The following RLN2 variants were observed in gnomAD, a reference collection of about 807,000 sequenced individuals.
RLN2 encodes prorelaxin H2.
A neutral mutation model predicts 7.3 loss-of-function variants in RLN2; 10 were observed. The ratio of observed to expected loss-of-function variants is 1.36; its 90% CI spans 0.84 to 2.31. The LOEUF (loss-of-function observed/expected upper bound fraction) is 2.31, where lower values mean the gene tolerates loss of function less well. Among genes scored for constraint, RLN2 ranks in the 30% most tolerant of loss-of-function variants. The pLI is 0.00. For missense variants in RLN2, 298 were observed against 217.6 expected, an observed-to-expected ratio of 1.37 and a Z score of -2.32; for synonymous variants, 103 against 82.3, an observed-to-expected ratio of 1.25 and a Z score of -1.36.
At chr9:5,300,778 T>C (rs933372672) in intron 1 of RLN2, among the ~76,000 whole-genome samples, 1 of 152,218 alleles carries the variant, frequency 6.6e-6, no homozygotes, top group African/African-American at 2.4e-5. Context: ...TGAAAACAGT[T>C]TGACCACAGC....
At chr9:5,315,988 A>C in the RLN2 span, among the ~76,000 whole-genome samples, 1 of 152,066 alleles carries the variant, frequency 6.6e-6, no homozygotes, top group Non-Finnish European at 1.5e-5. Flanking sequence ...ACTAGTTACT[A>C]ATATGAAGAT....
At chr9:5,318,623 G>T in the RLN2 span, among the ~76,000 whole-genome samples, 1 of 151,896 alleles carries the variant, frequency 6.6e-6, no homozygotes. Context: ...CAGAACAAGA[G>T]AATTAACAAT....
the RLN2 span, among the ~76,000 whole-genome samples, chr9:5,332,478 T>C: frequency 6.6e-6 from 1 of 152,014 alleles, no homozygotes; most frequent in East Asian, 1.9e-4. Flanking sequence ...GTTTATTTTG[T>C]TGAATTTACA....
chr9:5,311,463 G>T, the RLN2 span: 1 of 632,620 alleles, frequency 1.6e-6, no homozygotes. Context: ...GAGAAAGGCT[G>T]AAGGGGATGT....
the RLN2 span, among the ~76,000 whole-genome samples, chr9:5,331,169 A>G: frequency 6.6e-6 from 1 of 152,058 alleles, no homozygotes; most frequent in East Asian, 1.9e-4. Context: ...TACCAGAGGT[A>G]TAAAAAGGAG....
the RLN2 span, among the ~76,000 whole-genome samples, chr9:5,314,412 C>T: frequency 6.6e-6 from 1 of 152,110 alleles, no homozygotes; most frequent in South Asian, 2.1e-4. Context: ...CACTCAGCCT[C>T]CTAAAGAATT....
chr9:5,304,913 G>A (rs948593763), upstream of RLN2: 2 of 259,016 alleles, frequency 7.7e-6, no homozygotes, highest in Non-Finnish European at 7.4e-6. Flanking sequence ...AGTATACTGA[G>A]GTAAAGTCAT....
chr9:5,313,490 A>T, the RLN2 span, among the ~76,000 whole-genome samples: 1 of 152,044 alleles, frequency 6.6e-6, no homozygotes, highest in East Asian at 1.9e-4. Context: ...TGCAGAGAGC[A>T]TAGAGTTGGG....
chr9:5,335,701 T>C, the RLN2 span: 5 of 688,734 alleles, frequency 7.3e-6, no homozygotes, highest in Non-Finnish European at 1.2e-5. Context: ...AAGCATTGCC[T>C]CAATATAAAT....
the RLN2 span, among the ~76,000 whole-genome samples, chr9:5,321,673 G>A: frequency 6.6e-6 from 1 of 151,398 alleles, no homozygotes; most frequent in South Asian, 2.1e-4. Flanking sequence ...GGAGGGAAGA[G>A]GGAGGGAGGG....
chr9:5,318,250 A>G, the RLN2 span, among the ~76,000 whole-genome samples: 1 of 152,124 alleles, frequency 6.6e-6, no homozygotes, highest in East Asian at 1.9e-4. Context: ...TTTCTCCCTC[A>G]GTGAGTGAAG....
the RLN2 span, among the ~76,000 whole-genome samples, chr9:5,319,114 C>A: frequency 6.6e-6 from 1 of 151,972 alleles, no homozygotes; most frequent in South Asian, 2.1e-4. Flanking sequence ...TCATTAACAC[C>A]AAGTTTCATA....
At chr9:5,325,326 T>A in the RLN2 span, among the ~76,000 whole-genome samples, 16 of 151,892 alleles carry the variant, frequency 1.1e-4, no homozygotes, top group Non-Finnish European at 1.9e-4. Context: ...ACAAGAATTT[T>A]AAAAATAGGA....
intron 1 of RLN2, among the ~76,000 whole-genome samples, chr9:5,301,266 G>A (rs1400594295): frequency 2.0e-5 from 3 of 152,168 alleles, no homozygotes; most frequent in East Asian, 3.9e-4. Context: ...TCCCAGGCTG[G>A]CCAAATGTGA....
the RLN2 span, among the ~76,000 whole-genome samples, chr9:5,313,256 T>C: frequency 5.9e-5 from 9 of 152,094 alleles, no homozygotes; most frequent in Admixed American, 5.9e-4. Flanking sequence ...GATTCTCTGA[T>C]GTTGAATGCA....
chr9:5,335,200 C>A, the RLN2 span: 1 of 1,131,572 alleles, frequency 8.8e-7, no homozygotes, highest in South Asian at 1.6e-5. Context: ...AGTGAAATGT[C>A]ATCAAGACTA....
chr9:5,301,066 T>C (rs1816116513), intron 1 of RLN2, among the ~76,000 whole-genome samples: 2 of 152,178 alleles, frequency 1.3e-5, no homozygotes, highest in Non-Finnish European at 2.9e-5. Context: ...CAATAGTATT[T>C]TATATGAAAG....
chr9:5,331,234 C>T, the RLN2 span, among the ~76,000 whole-genome samples: 1 of 151,958 alleles, frequency 6.6e-6, no homozygotes, highest in African/African-American at 2.4e-5. Flanking sequence ...GGGAATCCTC[C>T]CTAACTCATT....
chr9:5,306,349 G>A (rs1228496334), upstream of RLN2, among the ~76,000 whole-genome samples: 2 of 151,832 alleles, frequency 1.3e-5, no homozygotes, highest in South Asian at 4.2e-4. Flanking sequence ...CTCAGGTGAT[G>A]CACCCACCTT....
Sources: gnomAD v4.1 joint callset for allele counts (sites outside exome capture counted in the v4.1 genomes callset) on GRCh38, gnomAD v4.1.1 for gene constraint, MANE v1.5 for transcripts, NCBI Gene and HGNC (gene_info 2026-07-23, HGNC 2026-07-21) for gene names.